The following ZNF879 variants were observed in gnomAD, a reference collection of about 807,000 sequenced individuals.
The protein encoded by ZNF879 is zinc finger protein 879.
Under a neutral mutation model 44.3 loss-of-function variants are expected in ZNF879, and 32 were observed. The ratio of observed to expected loss-of-function variants is 0.72; its 90% CI spans 0.54 to 0.97. The LOEUF (loss-of-function observed/expected upper bound fraction) is 0.97, where lower values mean the gene tolerates loss of function less well. Among genes scored for constraint, ZNF879 ranks in the 50% least tolerant of loss-of-function variants. The pLI is 0.00. For missense variants in ZNF879, 621 were observed against 669.7 expected (o/e 0.93, Z 0.80); for synonymous variants, 234 against 233.2 (o/e 1.00, Z -0.03).
At chr5:179,030,052 T>C (rs1310876824) in intron 4 of ZNF879, among the ~76,000 whole-genome samples, 1 of 152,200 alleles carries the variant, frequency 6.6e-6, no homozygotes, top group Non-Finnish European at 1.5e-5. Flanking sequence ...ACATGAGTAT[T>C]GTGATTGAAA....
rs1270083238 is a variant in ZNF879, at chr5:179,033,565, TTATAAA to T, written c.1619_1624del (p.Tyr540_Lys541del). On this transcript the variant is annotated inframe_deletion, in exon 5 of 5. Coordinates refer to ENST00000444149, the MANE Select transcript of ZNF879 (RefSeq NM_001136116.3). ...TGAGAATTCATACAGGGGAAAAACC[TTATAAA>T]TGTAAAGAATGTGGGAAGGCTTTTA... 4 of 1,550,680 alleles carry T rather than the reference TTATAAA, an allele frequency of 2.6e-6. No individual in the cohort carries two copies. Among genetic ancestry groups the T allele is most frequent in the Non-Finnish European group, 3.5e-6 (4 of 1,147,144 alleles).
At chr5:179,026,639 C>T (rs1761278623) in intron 2 of ZNF879, among the ~76,000 whole-genome samples, 2 of 152,190 alleles carry the variant, frequency 1.3e-5, no homozygotes, top group Non-Finnish European at 2.9e-5. Flanking sequence ...CATGCCACCA[C>T]ACCCAATTAA....
chr5:179,027,249 T>C (rs1461475728), intron 2 of ZNF879, among the ~76,000 whole-genome samples: 1 of 152,214 alleles, frequency 6.6e-6, no homozygotes, highest in East Asian at 1.9e-4. Context: ...TCTGATTTTG[T>C]TTCATGGGTT....
At chr5:179,025,634 G>A (rs754883855) in intron 2 of ZNF879, among the ~76,000 whole-genome samples, 1 of 152,088 alleles carries the variant, frequency 6.6e-6, no homozygotes, top group African/African-American at 2.4e-5. Flanking sequence ...TTCCTAACAC[G>A]GGGAATTTGA....
At chr5:179,026,935 G>T (rs1761289707) in intron 2 of ZNF879, among the ~76,000 whole-genome samples, 1 of 152,222 alleles carries the variant, frequency 6.6e-6, no homozygotes, top group Non-Finnish European at 1.5e-5. Context: ...GGCTTGAAAG[G>T]TTATGTAGCC....
chr5:179,024,812 C>T (rs1561732239), intron 1 of ZNF879, 158 bp from the exon 2 acceptor site: 2 of 589,920 alleles, frequency 3.4e-6, no homozygotes, highest in East Asian at 5.5e-5. Context: ...GCTTCCCACA[C>T]TGGTTTAAGT....
Position 179,027,478 on chromosome 5 carries a change from C to A in ZNF879, c.39C>A (p.Ser13=), listed in dbSNP as rs377574787. ...GAGTGGGTTTGCCATTCCAGGAGTC[C>A]GTGACGTTCAGGGATGTGGCCGTGT... is the stretch of plus-strand genomic sequence containing the variant. ...RRLLPAHVQE[S]VTFRDVAVFF... The change falls in exon 3 of 5, where the codon TCC becomes TCA. Residue 13 remains serine, a synonymous_variant. Coordinates refer to ENST00000444149, the MANE Select transcript of ZNF879 (RefSeq NM_001136116.3). The A allele has an allele frequency of 5.6e-6, 9 of 1,613,922 alleles. No individual in the cohort carries two copies. The South Asian group carries it at 8.8e-5, about 16-fold the overall frequency.
In ZNF879 at chr5:179,024,972, G is replaced by T; in HGVS notation, c.-33G>T. On this transcript the variant is annotated splice_region_variant and 5_prime_UTR_variant, in exon 2 of 5. Coordinates refer to ENST00000444149, the MANE Select transcript of ZNF879 (RefSeq NM_001136116.3). ...CACAGCTTTTTTCTCCATTCCAGGT[G>T]CCTTCTCCAAGAGAGGCAGCAGGGA... is the stretch of plus-strand genomic sequence containing the variant. 1 of 1,551,432 alleles carries T rather than the reference G, an allele frequency of 6.4e-7. No homozygotes were observed. The highest frequency in any genetic ancestry group is 1.2e-5 in the South Asian group (1 of 84,060).
intron 2 of ZNF879, among the ~76,000 whole-genome samples, chr5:179,026,242 C>G (rs1761266182): frequency 6.6e-6 from 1 of 152,122 alleles, no homozygotes; most frequent in Non-Finnish European, 1.5e-5. Context: ...GTTACATAAA[C>G]TAGATCATCT....
At chr5:179,027,311 G>T in intron 2 of ZNF879, 162 bp from the exon 3 acceptor site, 1 of 998,836 alleles carries the variant, frequency 1.0e-6, no homozygotes, top group Non-Finnish European at 1.5e-6. Context: ...AGGGGACGGT[G>T]TTTCACTCAC....
At chr5:179,031,426 T>G (rs1178661910) in intron 4 of ZNF879, among the ~76,000 whole-genome samples, 4 of 152,244 alleles carry the variant, frequency 2.6e-5, no homozygotes, top group African/African-American at 9.6e-5. Context: ...TTACTGTTCT[T>G]TCTGACTGGA....
intron 4 of ZNF879, among the ~76,000 whole-genome samples, chr5:179,028,575 A>G (rs1761334980): frequency 1.3e-5 from 2 of 152,202 alleles, no homozygotes; most frequent in Non-Finnish European, 2.9e-5. Flanking sequence ...CAAAAGGGGG[A>G]AAAAAGCAGA....
intron 1 of ZNF879, 177 bp from the exon 2 acceptor site, chr5:179,024,791 ACT>A: frequency 1.8e-6 from 1 of 564,786 alleles, no homozygotes; most frequent in African/African-American, 1.9e-5. Context: ...AGGCCCGGTG[ACT>A]CTGAACCTGC....
In ZNF879 at chr5:179,033,697, A is replaced by G. The variant is rs1761503688; in HGVS notation, c.*57A>G. Reference sequence around the variant, plus strand: ...AGTTATATTCCATACTGAGTATCAAAAAATTCATTGTGGGGAGAAAGTGAT... The same window carrying G: ...AGTTATATTCCATACTGAGTATCAAGAAATTCATTGTGGGGAGAAAGTGAT... On this transcript the variant is annotated 3_prime_UTR_variant, in exon 5 of 5. Transcript: ENST00000444149. The G allele has an allele frequency of 7.7e-7, 1 of 1,294,548 alleles. No individual in the cohort carries two copies. Among genetic ancestry groups the G allele is most frequent in the Non-Finnish European group, 1.0e-6 (1 of 962,338 alleles). The allele number at this position is 1,294,548 out of a possible 1,614,324, so 80.2% of individuals were successfully genotyped here.
At chr5:179,030,961 T>A (rs1035621333) in intron 4 of ZNF879, among the ~76,000 whole-genome samples, 18 of 152,180 alleles carry the variant, frequency 1.2e-4, no homozygotes, top group Admixed American at 4.6e-4. Flanking sequence ...GAGTCCCCTC[T>A]TTCATTGCCT....
intron 4 of ZNF879, among the ~76,000 whole-genome samples, chr5:179,029,327 T>C (rs1456824134): frequency 2.0e-5 from 3 of 152,210 alleles, no homozygotes; most frequent in Middle Eastern, 3.2e-3. Flanking sequence ...TCTTTGTTCT[T>C]TGGCACTTTA....
chr5:179,034,207 C>T lies in ZNF879; in HGVS notation c.*567C>T, dbSNP rs1042590461. 9.2e-5 allele frequency: 14 copies of T among 152,066 alleles called. No homozygotes were observed. The highest frequency in any genetic ancestry group is 2.9e-4 in the African/African-American group (12 of 41,428). 9.4% of individuals were successfully genotyped at this position (152,066 alleles called of 1,614,324 possible). On this transcript the variant is annotated 3_prime_UTR_variant, in exon 5 of 5. Transcript: ENST00000444149. ...AGCCATTCACCTGAGAAGAAAATCA[C>T]TCCATAAACTATGCAGACGTACTGT...
chr5:179,026,145 C>A (rs1387625062), intron 2 of ZNF879, among the ~76,000 whole-genome samples: 1 of 151,786 alleles, frequency 6.6e-6, no homozygotes, highest in East Asian at 1.9e-4. Context: ...GCTTTGTACG[C>A]CTTTGTGATT....
chr5:179,032,425 A>C lies in ZNF879; in HGVS notation c.477A>C (p.Glu159Asp), dbSNP rs17078991. ...YMKERSFKGV[E>D]FGKNLGLKSS... ...AGGAGAGGAGCTTTAAAGGTGTTGA[A>C]TTTGGGAAAAATCTTGGTCTAAAAT... is the stretch of plus-strand genomic sequence containing the variant. Residue 159 changes from glutamate to aspartate, a missense_variant, in exon 5 of 5, where the codon GAA becomes GAC. Glu to Asp is a conservative substitution (Grantham distance 45, BLOSUM62 2). Coordinates refer to ENST00000444149, the MANE Select transcript of ZNF879 (RefSeq NM_001136116.3). 389,202 of 1,551,366 alleles carry C rather than the reference A, an allele frequency of 0.25. 51,219 individuals are homozygous for C. Among genetic ancestry groups the C allele is most frequent in the African/African-American group, 0.44 (31,862 of 73,078 alleles).
Sources: allele counts gnomAD v4.1 joint callset (sites outside exome capture counted in the v4.1 genomes callset), GRCh38; gene constraint gnomAD v4.1.1; transcripts MANE v1.5; gene names NCBI Gene and HGNC (gene_info 2026-07-23, HGNC 2026-07-21).